ABCC1: variants seen among roughly 807,000 people sequenced by gnomAD.
The protein encoded by ABCC1 is multidrug resistance-associated protein 1.
ABCC1 carries 83 observed loss-of-function variants against 172.9 expected under a neutral mutation model. The observed-to-expected ratio is 0.48, with a 90% CI of 0.40 to 0.58. The LOEUF is 0.58. ABCC1 is among the 20% of genes least tolerant of loss of function. The probability of loss-of-function intolerance (pLI) is 0.00; values close to 1 mark genes in which losing one functional copy is unlikely to be tolerated. For synonymous variants in ABCC1, 937 were observed against 825.2 expected, an observed-to-expected ratio of 1.14 and a Z score of -2.32; for missense variants, 1,817 against 2,002.7, an observed-to-expected ratio of 0.91 and a Z score of 1.77.
intron 12 of ABCC1, among the ~76,000 whole-genome samples, chr16:16,060,934 A>G (rs2049882082): frequency 6.6e-6 from 1 of 152,062 alleles, no homozygotes; most frequent in South Asian, 2.1e-4. Flanking sequence ...CTCCTGCCTC[A>G]GCCTCCTGAG....
intron 1 of ABCC1, among the ~76,000 whole-genome samples, chr16:15,955,031 C>T (rs962239002): frequency 1.3e-5 from 2 of 152,234 alleles, no homozygotes; most frequent in Non-Finnish European, 1.5e-5. Flanking sequence ...CACTCTGGCT[C>T]GAGTCATCGT....
chr16:16,111,307 C>T, intron 21 of ABCC1, 68 bp from the exon 22 acceptor site: 1 of 1,317,884 alleles, frequency 7.6e-7, no homozygotes, highest in Non-Finnish European at 1.1e-6. Context: ...AGCCCCCGAC[C>T]TTGTGGGGCT....
In ABCC1 at chr16:16,125,015, G is replaced by A. The variant is rs1415136200; in HGVS notation, c.3717+100G>A. ...CAGCTCCAACAGGAATGGGGGAGAG[G>A]AACTTGAGAGGTACGGAGTTTGAGG... On this transcript the variant is annotated intron_variant, in intron 25 of 30. Transcript: ENST00000399410. The A allele has an allele frequency of 6.5e-5, 100 of 1,549,104 alleles. 1 individual carries two copies. The South Asian group carries it at 1.1e-3, about 17-fold the overall frequency.
At chr16:15,956,653 T>G (rs2046004421) in intron 1 of ABCC1, among the ~76,000 whole-genome samples, 1 of 152,128 alleles carries the variant, frequency 6.6e-6, no homozygotes, top group Non-Finnish European at 1.5e-5. Context: ...ATACCTTGTA[T>G]ATATATTATA....
In ABCC1 at chr16:16,034,023, C is replaced by CTTTTTTTTTTTTT. The variant is rs10580146; in HGVS notation, c.677+863_677+875dup. ...TTTTTTTGCCCCTAATAAGCATCAT[C>CTTTTTTTTTTTTT]TTTTTTTTTTTTTTTTTTTTTTGAG... On this transcript the variant is annotated intron_variant, in intron 6 of 30. Coordinates refer to ENST00000399410, the MANE Select transcript of ABCC1 (RefSeq NM_004996.4). 1.3e-3 allele frequency among the ~76,000 whole-genome samples: 116 copies of CTTTTTTTTTTTTT among 86,834 alleles called. 2 individuals are homozygous for CTTTTTTTTTTTTT. Among genetic ancestry groups the CTTTTTTTTTTTTT allele is most frequent in the Middle Eastern group, 0.021 (2 of 96 alleles). The allele number at this position is 86,834 out of a possible 152,430, so 57.0% of individuals were successfully genotyped here. A position where few individuals can be genotyped will look rare whatever the true frequency, so the allele number is the denominator to read the frequency against.
At chr16:16,066,521 C>T (rs1238377892) in intron 12 of ABCC1, among the ~76,000 whole-genome samples, 2 of 152,038 alleles carry the variant, frequency 1.3e-5, no homozygotes, top group Non-Finnish European at 2.9e-5. Flanking sequence ...AAGGTTTATC[C>T]ATGTTTTAGC....
At chr16:16,070,675 A>G (rs2050312307) in intron 13 of ABCC1, among the ~76,000 whole-genome samples, 1 of 152,150 alleles carries the variant, frequency 6.6e-6, no homozygotes, top group Non-Finnish European at 1.5e-5. Context: ...AAAAACGAAC[A>G]AAAAAACCCA....
In ABCC1 at chr16:16,031,738, G is replaced by A. The variant is rs185517284; in HGVS notation, c.616-1371G>A. ...CAGCTTGACTGTCTGCCTCGGGGGCGCCTTCTCTGACCTTCGTACACCAGA... is the reference window on the plus strand; with the variant it reads ...CAGCTTGACTGTCTGCCTCGGGGGCACCTTCTCTGACCTTCGTACACCAGA... On this transcript the variant is annotated intron_variant, in intron 5 of 30. Coordinates refer to ENST00000399410, the MANE Select transcript of ABCC1 (RefSeq NM_004996.4). Among the ~76,000 whole-genome samples the A allele has an allele frequency of 2.7e-3, 407 of 152,018 alleles. 2 individuals are homozygous for A. Among genetic ancestry groups the A allele is most frequent in the African/African-American group, 9.4e-3 (389 of 41,484 alleles).
At position 16,045,848 on chromosome 16, in the gene ABCC1, G is replaced by A; in HGVS notation, c.1053G>A (p.Lys351=). 6.2e-7 allele frequency: 1 copy of A among 1,614,100 alleles called. No individual in the cohort carries two copies. The highest frequency in any genetic ancestry group is 8.5e-7 in the Non-Finnish European group (1 of 1,179,996). ...TGCTCCTTTGCAGGTTGCTCATCAA[G>A]TTCGTGAATGACACGAAGGCCCCAG... ...SGPQILKLLI[K]FVNDTKAPDW... The change falls in exon 9 of 31, where the codon AAG becomes AAA. Residue 351 remains lysine (K), a synonymous_variant. Coordinates refer to ENST00000399410, the MANE Select transcript of ABCC1 (RefSeq NM_004996.4).
intron 1 of ABCC1, among the ~76,000 whole-genome samples, chr16:15,984,565 T>TCTGAGTAG (rs1281870665): frequency 6.6e-6 from 1 of 151,410 alleles, no homozygotes; most frequent in Non-Finnish European, 1.5e-5. Flanking sequence ...GCCTCAGCCT[T>TCTGAGTAG]CTGAGTAGCT....
intron 12 of ABCC1, among the ~76,000 whole-genome samples, chr16:16,060,918 G>A (rs1052686825): frequency 6.6e-6 from 1 of 152,134 alleles, no homozygotes; most frequent in African/African-American, 2.4e-5. Context: ...TTGGGTTCAA[G>A]CGATTCTCCT....
At chr16:16,038,578 C>T (rs1199786404) in intron 7 of ABCC1, among the ~76,000 whole-genome samples, 1 of 152,158 alleles carries the variant, frequency 6.6e-6, no homozygotes, top group African/African-American at 2.4e-5. Flanking sequence ...ATGGATCTTC[C>T]TTAGTCAGTC....
chr16:16,050,458 CAAAAAA>C (rs962921906), intron 10 of ABCC1, among the ~76,000 whole-genome samples: 1 of 147,460 alleles, frequency 6.8e-6, no homozygotes, highest in African/African-American at 2.5e-5. Context: ...GACTCTGTCT[CAAAAAA>C]AAGAAAAAGG....
rs2044800314 is a variant in ABCC1 at position 16,115,108 on chromosome 16, G to T, written c.3390+32G>T. 2.5e-6 allele frequency: 4 copies of T among 1,599,316 alleles called. No individual in the cohort carries two copies. In the East Asian group the frequency reaches 9.0e-5, roughly 36 times the overall value. On this transcript the variant is annotated intron_variant, in intron 23 of 30. Transcript: ENST00000399410. ...GGTGAGGTCTTAGTGTTCGGGACAA[G>T]CCCTACTGTGCATTATATACCAGTG... is the stretch of plus-strand genomic sequence containing the variant.
chr16:16,020,754 A>G (rs2048167752), intron 5 of ABCC1, among the ~76,000 whole-genome samples: 1 of 152,172 alleles, frequency 6.6e-6, no homozygotes, highest in Non-Finnish European at 1.5e-5. Flanking sequence ...GGGAATCGAC[A>G]TTTATTAGAT....
intron 1 of ABCC1, among the ~76,000 whole-genome samples, chr16:15,993,894 A>G (rs1004586443): frequency 2.6e-5 from 4 of 152,130 alleles, no homozygotes; most frequent in African/African-American, 4.8e-5. Flanking sequence ...CTTGCCTCCA[A>G]GCGACCTCAG....
chr16:15,970,779 C>T (rs963150344), intron 1 of ABCC1, among the ~76,000 whole-genome samples: 7 of 152,146 alleles, frequency 4.6e-5, no homozygotes, highest in African/African-American at 1.7e-4. Flanking sequence ...TTAATTTGTA[C>T]AGATGAGGTC....
chr16:16,062,083 T>C (rs558025829), intron 12 of ABCC1, among the ~76,000 whole-genome samples: 3 of 152,304 alleles, frequency 2.0e-5, no homozygotes, highest in Admixed American at 6.5e-5. Context: ...TTGATGGCAT[T>C]TTGAAAGGTC....
intron 5 of ABCC1, 49 bp from the exon 6 acceptor site, chr16:16,033,060 A>G (rs762412314): frequency 1.3e-6 from 2 of 1,580,624 alleles, no homozygotes; most frequent in African/African-American, 1.3e-5. Context: ...TGAAAAGTCA[A>G]ATCATTCCTT....
Sources: allele counts gnomAD v4.1 joint callset (sites outside exome capture counted in the v4.1 genomes callset), GRCh38; gene constraint gnomAD v4.1.1; transcripts MANE v1.5; gene names NCBI Gene and HGNC (gene_info 2026-07-23, HGNC 2026-07-21).